Variants in PFKM observed in about 807,000 individuals in gnomAD.
PFKM encodes phosphofructokinase, muscle, also known as ATP-dependent 6-phosphofructokinase, muscle type.
Under a neutral mutation model 95.5 loss-of-function variants are expected in PFKM, and 58 were observed. The observed-to-expected ratio is 0.61, with a 90% confidence interval of 0.49 to 0.76. PFKM has a LOEUF of 0.76. Among genes scored for constraint, PFKM ranks in the 30% least tolerant of loss-of-function variants. The pLI is 0.00. For synonymous variants in PFKM, 336 were observed against 357.2 expected (o/e 0.94, Z 0.67); for missense variants, 678 against 1,005.4 (o/e 0.67, Z 4.40).
At position 48,145,001 on chromosome 12, in the gene PFKM, C is replaced by T. The variant is rs574109206; in HGVS notation, c.1993-30C>T. On this transcript the variant is annotated intron_variant, in intron 20 of 22. Transcript: ENST00000359794. The surrounding 1 kb of genome is among the most constrained non-coding windows in gnomAD (Gnocchi z 4.3). ...CTCTGCCACTTCATTAGAGTCCTTCCCTCTGTAATTTTTATGTTTCTTTCT... is the reference window on the plus strand; with the variant it reads ...CTCTGCCACTTCATTAGAGTCCTTCTCTCTGTAATTTTTATGTTTCTTTCT... The T allele has an allele frequency of 2.1e-6, 3 of 1,456,446 alleles. No individual in the cohort carries two copies. The highest frequency in any genetic ancestry group is 2.9e-6 in the Non-Finnish European group (3 of 1,036,532). 90.2% of individuals were successfully genotyped at this position (1,456,446 alleles called of 1,614,324 possible). A position where few individuals can be genotyped will look rare whatever the true frequency, so the allele number is the denominator to read the frequency against.
intron 13 of PFKM, 134 bp from the exon 14 acceptor site, chr12:48,140,588 T>G: frequency 4.6e-6 from 4 of 877,292 alleles, no homozygotes; most frequent in South Asian, 2.7e-5. Flanking sequence ...GAGGGGTGTG[T>G]GTTGTGTTGT....
chr12:48,123,436 C>T (rs1216841747), intron 2 of PFKM, among the ~76,000 whole-genome samples: 2 of 152,006 alleles, frequency 1.3e-5, no homozygotes, highest in Non-Finnish European at 2.9e-5. Flanking sequence ...ACAGAGCCAG[C>T]AAAAACCCTT....
At chr12:48,129,671 C>T (rs576020519) in intron 2 of PFKM, among the ~76,000 whole-genome samples, 61 of 152,306 alleles carry the variant, frequency 4.0e-4, no homozygotes, top group African/African-American at 1.4e-3. Flanking sequence ...CTGAGAGAAT[C>T]AGCTGTCTGG....
chr12:48,125,725 C>T (rs1161599004), intron 2 of PFKM, among the ~76,000 whole-genome samples: 1 of 151,916 alleles, frequency 6.6e-6, no homozygotes, highest in Non-Finnish European at 1.5e-5. Context: ...TCTCAAGTAG[C>T]TGAGACCACA....
Position 48,134,973 on chromosome 12 carries a change from AT to A in PFKM, c.779del (p.Ile260ThrfsTer62), listed in dbSNP as rs1359585339. The A allele has an allele frequency of 1.9e-6, 3 of 1,614,006 alleles. No homozygotes were observed. The Admixed American group carries it at 5.0e-5, about 27-fold the overall frequency. ...TRTRGSRLNI[I>X]IVAEGAIDKN... ...GACCCGTGGTTCTCGTCTCAACATC[AT>A]CATTGTGGCTGAGGGTGCAATTGAC... On this transcript the variant is annotated frameshift_variant, in exon 9 of 23. Coordinates refer to ENST00000359794, the MANE Select transcript of PFKM (RefSeq NM_000289.6). LOFTEE classifies it high-confidence loss of function.
At chr12:48,131,017 C>T (rs569706497) in intron 3 of PFKM, among the ~76,000 whole-genome samples, 78 of 152,198 alleles carry the variant, frequency 5.1e-4, no homozygotes, top group Non-Finnish European at 5.9e-5. Context: ...ATCATTGGCC[C>T]CCTAGGAAGC....
chr12:48,144,157 G>A lies in PFKM; in HGVS notation c.1992G>A (p.Gln664=). ...AGAATGTGCTTGGTCACATGCAGCAGGTAGGGAAGACACCGTAGTCATGCC... is the reference window on the plus strand; with the variant it reads ...AGAATGTGCTTGGTCACATGCAGCAAGTAGGGAAGACACCGTAGTCATGCC... The part of the protein sequence containing the change: ...SRKNVLGHMQ[Q]GGSPTPFDRN... Residue 664 remains glutamine (Q), a splice_region_variant and synonymous_variant, in exon 20 of 23, where the codon CAG becomes CAA. Coordinates refer to ENST00000359794, the MANE Select transcript of PFKM (RefSeq NM_000289.6). 1 of 1,595,924 alleles carries A rather than the reference G, an allele frequency of 6.3e-7. No individual in the cohort carries two copies. Among genetic ancestry groups the A allele is most frequent in the Non-Finnish European group, 8.6e-7 (1 of 1,164,252 alleles).
intron 17 of PFKM, 93 bp downstream of exon 17, chr12:48,142,159 A>G: frequency 1.7e-6 from 2 of 1,208,172 alleles, no homozygotes. Context: ...TCTTTATATC[A>G]AGCAAATGGG....
intron 2 of PFKM, chr12:48,125,465 T>C (rs1275640666): frequency 5.5e-5 from 20 of 361,432 alleles, no homozygotes; most frequent in South Asian, 4.0e-4. Flanking sequence ...CTACTAAAAA[T>C]ACAAAATTAG....
intron 3 of PFKM, among the ~76,000 whole-genome samples, chr12:48,110,685 A>G (rs1947101671): frequency 2.0e-5 from 3 of 152,210 alleles, no homozygotes; most frequent in Admixed American, 6.5e-5. Context: ...GTGCAGTTGT[A>G]TATGGAGATT....
At position 48,145,472 on chromosome 12, in the gene PFKM, C is replaced by A. The variant is rs1950962574; in HGVS notation, c.2199-92C>A. The A allele has an allele frequency of 8.1e-6, 12 of 1,486,714 alleles. No individual in the cohort carries two copies. The highest frequency in any genetic ancestry group is 1.4e-5 in the African/African-American group (1 of 72,246). The allele number at this position is 1,486,714 out of a possible 1,614,324, so 92.1% of individuals were successfully genotyped here. Reference sequence around the variant, plus strand: ...TGTGATGCACATGTCCTAAATCTAACCTCTTCTGTCTAACTTCTTCCTATA... The same window carrying A: ...TGTGATGCACATGTCCTAAATCTAAACTCTTCTGTCTAACTTCTTCCTATA... On this transcript the variant is annotated intron_variant, in intron 22 of 22. Transcript: ENST00000359794. This position sits in a 1 kb window ranked among gnomAD's most constrained non-coding sequence, Gnocchi z 4.3.
At chr12:48,106,086 C>T (rs1402149591) in exon 1 of PFKM, 3 of 702,612 alleles carry the variant, frequency 4.3e-6, no homozygotes, top group South Asian at 3.0e-5. Context: ...ACGCAAAACC[C>T]GGGAACCGCC....
At chr12:48,132,205 C>G (rs1402560472) in intron 4 of PFKM, 3 of 387,154 alleles carry the variant, frequency 7.7e-6, no homozygotes, top group Non-Finnish European at 1.5e-5. Flanking sequence ...ATACTTACCT[C>G]TCTCAGGTAA....
Position 48,137,788 on chromosome 12 carries a change from T to C in PFKM, c.1004T>C (p.Val335Ala), listed in dbSNP as rs201838518. ...GGGACCCCAGATACCCCAGCCTGTGTAGTGAGCCTCTCTGGTAACCAGGCT... is the reference window on the plus strand; with the variant it reads ...GGGACCCCAGATACCCCAGCCTGTGCAGTGAGCCTCTCTGGTAACCAGGCT... Reference protein sequence around the residue: ...LEGTPDTPACVVSLSGNQAVR... With the variant: ...LEGTPDTPACAVSLSGNQAVR... Residue 335 changes from valine to alanine, a missense_variant, in exon 11 of 23, where the codon GTA becomes GCA. By Grantham distance (64) the Val-to-Ala change is moderately conservative. Transcript: ENST00000359794. 440 of 1,613,968 alleles carry C rather than the reference T, an allele frequency of 2.7e-4. 1 individual carries two copies. Among genetic ancestry groups the C allele is most frequent in the Admixed American group, 3.3e-5 (2 of 60,002 alleles).
chr12:48,105,373 C>T (rs1946435159), upstream of PFKM: 1 of 518,820 alleles, frequency 1.9e-6, no homozygotes, highest in African/African-American at 1.9e-5. Flanking sequence ...TTAGGGTACA[C>T]CAAGAAAGAG....
In PFKM at chr12:48,145,052, G is replaced by A. The variant is rs1327838272; in HGVS notation, c.2014G>A (p.Asp672Asn). The A allele has an allele frequency of 1.2e-6, 2 of 1,613,900 alleles. No individual in the cohort carries two copies. The highest frequency in any genetic ancestry group is 1.7e-6 in the Non-Finnish European group (2 of 1,179,790). The change falls in exon 21 of 23, where the codon GAT (aspartate) becomes AAT (asparagine). Residue 672 changes from aspartate (D) to asparagine (N), a missense_variant. Physicochemically the swap from Asp to Asn is conservative, Grantham distance 23. Transcript: ENST00000359794. This position sits in a 1 kb window ranked among gnomAD's most constrained non-coding sequence, Gnocchi z 4.3. The part of the protein sequence containing the change: ...MQQGGSPTPF[D>N]RNFATKMGAK... ...CCAGGGTGGGAGCCCAACCCCATTT[G>A]ATAGGAATTTTGCCACTAAGATGGG...
chr12:48,134,610 A>T, intron 7 of PFKM, 111 bp from the exon 8 acceptor site: 1 of 847,928 alleles, frequency 1.2e-6, no homozygotes, highest in Non-Finnish European at 2.0e-6. Flanking sequence ...AATAAAATGG[A>T]GGCTCTCCAG....
At chr12:48,122,507 T>C (rs897008020) in intron 1 of PFKM, 130 of 1,101,412 alleles carry the variant, frequency 1.2e-4, no homozygotes, top group Admixed American at 3.5e-4. Context: ...CCAAATAGGT[T>C]CCAATTGGGG....
At chr12:48,140,978 C>A in intron 14 of PFKM, 107 bp downstream of exon 14, 1 of 1,203,284 alleles carries the variant, frequency 8.3e-7, no homozygotes, top group Non-Finnish European at 1.2e-6. Flanking sequence ...ACCTCTCTCT[C>A]CTCTCTCAGG....
Sources: gnomAD v4.1 joint callset for allele counts (sites outside exome capture counted in the v4.1 genomes callset) on GRCh38, gnomAD v4.1.1 for gene constraint, Gnocchi (gnomAD v3.1) non-coding constraint, MANE v1.5 for transcripts, NCBI Gene and HGNC (gene_info 2026-07-23, HGNC 2026-07-21) for gene names.